Variants in DOCK4 observed in about 807,000 individuals in gnomAD.
DOCK4 encodes dedicator of cytokinesis 4.
A neutral mutation model predicts 268.1 loss-of-function variants in DOCK4; 97 were observed. The observed-to-expected ratio is 0.36, with a 90% CI of 0.31 to 0.43. The LOEUF (loss-of-function observed/expected upper bound fraction) is 0.43, where lower values mean the gene tolerates loss of function less well. DOCK4 is among the 20% of genes least tolerant of loss of function. The pLI, the probability that DOCK4 is intolerant of heterozygous loss-of-function variation, is 1.00. For synonymous variants in DOCK4, 954 were observed against 887.2 expected (o/e 1.08, Z -1.34); for missense variants, 2,145 against 2,455.7 (o/e 0.87, Z 2.67).
chr7:112,109,902 G>T (rs547450201), intron 1 of DOCK4, among the ~76,000 whole-genome samples: 1 of 149,294 alleles, frequency 6.7e-6, no homozygotes, highest in Non-Finnish European at 1.5e-5. Context: ...CCGCCATCAC[G>T]CCCGGCTAAT....
chr7:112,167,090 A>G (rs1246891805), intron 1 of DOCK4, among the ~76,000 whole-genome samples: 1 of 152,230 alleles, frequency 6.6e-6, no homozygotes, highest in Non-Finnish European at 1.5e-5. Context: ...AGAATTCATT[A>G]GTGGAGAAAA....
At chr7:112,174,389 C>T (rs572490530) in intron 1 of DOCK4, among the ~76,000 whole-genome samples, 1 of 152,238 alleles carries the variant, frequency 6.6e-6, no homozygotes, top group South Asian at 2.1e-4. Flanking sequence ...GGGTAAGCTG[C>T]TGACATTCTA....
intron 8 of DOCK4, among the ~76,000 whole-genome samples, chr7:111,950,143 TCTCCAACTCCTGAC>T (rs1292908782): frequency 6.6e-6 from 1 of 152,200 alleles, no homozygotes; most frequent in Non-Finnish European, 1.5e-5. Flanking sequence ...GCCAGGCTGG[TCTCCAACTCCTGAC>T]CTCAGGTGAT....
intron 26 of DOCK4, among the ~76,000 whole-genome samples, chr7:111,829,516 C>T (rs6966622): frequency 0.37 from 55,969 of 152,056 alleles, 15,691 homozygotes; most frequent in African/African-American, 0.79. Context: ...GCCAATATCA[C>T]TGCAGTTTAT....
intron 28 of DOCK4, among the ~76,000 whole-genome samples, chr7:111,810,863 A>G (rs139582502): frequency 0.041 from 6,256 of 152,014 alleles, 165 homozygotes; most frequent in Non-Finnish European, 0.061. Context: ...TTAGCCAGGC[A>G]TGGTGGTGTG....
At chr7:111,765,245 T>C (rs1797695015) in intron 38 of DOCK4, 23 bp from the exon 39 acceptor site, 2 of 1,331,064 alleles carry the variant, frequency 1.5e-6, no homozygotes, top group Non-Finnish European at 2.1e-6. Context: ...GGAAACATTC[T>C]AAGCATTTTA....
intron 1 of DOCK4, among the ~76,000 whole-genome samples, chr7:112,045,647 G>T (rs751457561): frequency 3.3e-5 from 5 of 152,190 alleles, no homozygotes; most frequent in Admixed American, 6.5e-5. Context: ...TTGAAACTTA[G>T]CACTTGCCTG....
intron 1 of DOCK4, among the ~76,000 whole-genome samples, chr7:112,019,056 G>A (rs996798300): frequency 1.3e-5 from 2 of 152,074 alleles, no homozygotes; most frequent in African/African-American, 2.4e-5. Context: ...ATAACATTGC[G>A]ATCCAGCTAA....
At chr7:112,184,511 T>A (rs1170107025) in intron 1 of DOCK4, among the ~76,000 whole-genome samples, 7 of 152,300 alleles carry the variant, frequency 4.6e-5, no homozygotes, top group Admixed American at 4.6e-4. Context: ...CTGCAACTTG[T>A]CATTCATTTT....
intron 11 of DOCK4, among the ~76,000 whole-genome samples, chr7:111,937,688 T>A (rs1419931784): frequency 6.6e-6 from 1 of 152,186 alleles, no homozygotes; most frequent in Admixed American, 6.5e-5. Flanking sequence ...AAAAGCCACA[T>A]AACAGCAGCA....
chr7:112,183,845 A>C (rs766101525), intron 1 of DOCK4, among the ~76,000 whole-genome samples: 27 of 152,178 alleles, frequency 1.8e-4, no homozygotes, highest in Non-Finnish European at 3.2e-4. Context: ...GCAAGCCTTT[A>C]GGCTTCCTTG....
At chr7:112,059,134 CTTTTTTTT>C (rs572050793) in intron 1 of DOCK4, among the ~76,000 whole-genome samples, 4 of 98,978 alleles carry the variant, frequency 4.0e-5, no homozygotes, top group African/African-American at 2.0e-4. Context: ...GCAGCATTTC[CTTTTTTTT>C]TTTTTTTTTT....
intron 1 of DOCK4, among the ~76,000 whole-genome samples, chr7:112,191,874 C>T (rs1431226320): frequency 6.6e-6 from 1 of 151,316 alleles, no homozygotes; most frequent in Non-Finnish European, 1.5e-5. Flanking sequence ...CCTCTGCCTG[C>T]CCACTCTTAT....
At chr7:112,088,503 G>A (rs576016470) in intron 1 of DOCK4, among the ~76,000 whole-genome samples, 4 of 152,208 alleles carry the variant, frequency 2.6e-5, no homozygotes, top group Middle Eastern at 3.4e-3. Flanking sequence ...GAAAATTTCT[G>A]TACATATCCA....
intron 1 of DOCK4, among the ~76,000 whole-genome samples, chr7:112,135,605 T>C (rs1034758855): frequency 2.6e-5 from 4 of 152,094 alleles, no homozygotes; most frequent in Non-Finnish European, 5.9e-5. Context: ...CACTTGACTA[T>C]CCTGCCGCCT....
chr7:112,018,179 A>AAAAAAAACAC lies in DOCK4; in HGVS notation c.38-14049_38-14048insGTGTTTTTTT. On this transcript the variant is annotated intron_variant, in intron 1 of 52. Transcript: ENST00000428084. Reference sequence around the variant, plus strand: ...AAAAAAAAAAAAAAAAAAAAAAAAAAACACAGGCAACCAGTATTCATGTGG... The same window carrying AAAAAAAACAC: ...AAAAAAAAAAAAAAAAAAAAAAAAAAAAAAAAACACACACAGGCAACCAGTATTCATGTGG... Among the ~76,000 whole-genome samples, 13 of 72,628 alleles carry AAAAAAAACAC rather than the reference A, an allele frequency of 1.8e-4. 1 individual carries two copies. The highest frequency in any genetic ancestry group is 1.2e-3 in the East Asian group (3 of 2,478). 47.6% of individuals were successfully genotyped at this position (72,628 alleles called of 152,430 possible). A position where few individuals can be genotyped will look rare whatever the true frequency, so the allele number is the denominator to read the frequency against.
At chr7:111,994,045 G>C in intron 5 of DOCK4, 90 bp downstream of exon 5, 1 of 745,990 alleles carries the variant, frequency 1.3e-6, no homozygotes. Flanking sequence ...CTTGCAGAAG[G>C]TGCTATATTA....
At chr7:111,796,870 T>C (rs1799932012) in intron 30 of DOCK4, among the ~76,000 whole-genome samples, 1 of 152,128 alleles carries the variant, frequency 6.6e-6, no homozygotes, top group Admixed American at 6.5e-5. Flanking sequence ...CACCACTTAG[T>C]TCATCCAGTT....
chr7:112,206,004 T>C, intron 1 of DOCK4, 98 bp downstream of exon 1: 1 of 1,397,412 alleles, frequency 7.2e-7, no homozygotes, highest in Non-Finnish European at 9.9e-7. Flanking sequence ...ATTAGGCATT[T>C]TCAACCGGGC....
Sources: gnomAD v4.1 joint callset for allele counts (sites outside exome capture counted in the v4.1 genomes callset) on GRCh38, gnomAD v4.1.1 for gene constraint, MANE v1.5 for transcripts, NCBI Gene and HGNC (gene_info 2026-07-23, HGNC 2026-07-21) for gene names.